ADAMTS17: variants seen among roughly 807,000 people sequenced by gnomAD.
ADAMTS17 encodes the protein A disintegrin and metalloproteinase with thrombospondin motifs 17.
In ADAMTS17, 113 loss-of-function variants were observed where a neutral mutation model predicts 141.5. The ratio of observed to expected loss-of-function variants is 0.80; its 90% CI spans 0.69 to 0.93. The LOEUF (loss-of-function observed/expected upper bound fraction) is 0.93. Among genes scored for constraint, ADAMTS17 ranks in the 40% least tolerant of loss-of-function variants. The pLI, the probability that ADAMTS17 is intolerant of heterozygous loss-of-function variation, is 0.00. For missense variants in ADAMTS17, 1,659 were observed against 1,517.9 expected (o/e 1.09, Z -1.54); for synonymous variants, 768 against 630.6 (o/e 1.22, Z -3.27).
In ADAMTS17 at chr15:100,051,128, G is replaced by A. The variant is rs79296349; in HGVS notation, c.2455+444C>T. ...GACTCATGCTCAGAACGTTTCACCC[G>A]ACTTGCAGGACTTTTTCTTTCCATT... On this transcript the variant is annotated intron_variant, in intron 17 of 21. Transcript: ENST00000268070. Among the ~76,000 whole-genome samples the A allele has an allele frequency of 2.5e-3, 387 of 152,302 alleles. 9 individuals carry two copies. In the East Asian group the frequency reaches 0.058, roughly 23 times the overall value.
chr15:99,989,960 A>G lies in ADAMTS17; in HGVS notation c.2949+3088T>C, dbSNP rs1567648324. 2.0e-5 allele frequency among the ~76,000 whole-genome samples: 3 copies of G among 152,356 alleles called. No homozygotes were observed. The East Asian group carries it at 5.8e-4, about 29-fold the overall frequency. ...TTTATGATTCCCATTTCAGAGATAA[A>G]GAGAGGTTAAGGCACACAAGTAGAG... On this transcript the variant is annotated intron_variant, in intron 20 of 21. Coordinates refer to ENST00000268070, the MANE Select transcript of ADAMTS17 (RefSeq NM_139057.4).
intron 8 of ADAMTS17, among the ~76,000 whole-genome samples, chr15:100,190,950 A>T (rs183032946): frequency 6.6e-6 from 1 of 152,286 alleles, no homozygotes; most frequent in African/African-American, 2.4e-5. Context: ...TGGGCCACAT[A>T]GCGCCGTGGG....
At chr15:100,289,278 C>CA (rs1161153029) in intron 3 of ADAMTS17, among the ~76,000 whole-genome samples, 1 of 152,060 alleles carries the variant, frequency 6.6e-6, no homozygotes, top group African/African-American at 2.4e-5. Flanking sequence ...TCCATTCTCC[C>CA]AAAATTGAAT....
intron 18 of ADAMTS17, among the ~76,000 whole-genome samples, chr15:100,044,686 T>C (rs997128102): frequency 6.6e-6 from 1 of 152,232 alleles, no homozygotes; most frequent in Non-Finnish European, 1.5e-5. Flanking sequence ...CTTTTGAGTA[T>C]GGATCTGTTT....
rs987382326 is a variant in ADAMTS17 at position 99,973,979 on chromosome 15, C to T, written c.*423G>A. The stretch of plus-strand genomic sequence containing the variant: ...ACACCTGCCCCTCCCTCCATGGTGT[C>T]GCCGGCTTTCAGAATAAAGCCTTTT... On this transcript the variant is annotated 3_prime_UTR_variant, in exon 22 of 22. Transcript: ENST00000268070. 2.7e-5 allele frequency: 5 copies of T among 184,208 alleles called. 1 individual carries two copies. The highest frequency in any genetic ancestry group is 8.8e-5 in the Admixed American group (1 of 11,424). 11.4% of individuals were successfully genotyped at this position (184,208 alleles called of 1,614,324 possible).
At position 100,341,832 on chromosome 15, in the gene ADAMTS17, T is replaced by G; in HGVS notation, c.68A>C (p.Asp23Ala). ...PVLLLLVWGL[D>A]PGTAVGDAAA... ...GGAGGGGGCGCTACCTGTGCCCGGG[T>G]CCAGTCCCCAAACCAGCAGCAGCAG... Residue 23 changes from aspartate to alanine, a missense_variant, in exon 1 of 22, where the codon GAC becomes GCC. By Grantham distance (126) the Asp-to-Ala change is moderately radical. Coordinates refer to ENST00000268070, the MANE Select transcript of ADAMTS17 (RefSeq NM_139057.4). The G allele has an allele frequency of 2.6e-6, 4 of 1,551,532 alleles. 1 individual carries two copies. The South Asian group carries it at 4.8e-5, about 18-fold the overall frequency.
chr15:100,296,123 G>A (rs367882645), intron 3 of ADAMTS17, among the ~76,000 whole-genome samples: 3 of 152,204 alleles, frequency 2.0e-5, no homozygotes, highest in South Asian at 2.1e-4. Flanking sequence ...TGTGGGAAAC[G>A]TACTCGAGAA....
intron 10 of ADAMTS17, among the ~76,000 whole-genome samples, chr15:100,151,217 C>G (rs973174657): frequency 6.6e-6 from 1 of 152,260 alleles, no homozygotes; most frequent in South Asian, 2.1e-4. Context: ...GGCGTGCTCC[C>G]CAGGGGAATG....
intron 7 of ADAMTS17, 79 bp from the exon 8 acceptor site, chr15:100,199,502 G>A (rs979941794): frequency 1.5e-5 from 18 of 1,177,342 alleles, no homozygotes; most frequent in East Asian, 2.3e-5. Context: ...CACGGTCAAC[G>A]TCATGCACAA....
Position 100,281,306 on chromosome 15 carries a change from C to A in ADAMTS17, c.712G>T (p.Val238Leu), listed in dbSNP as rs2142079523. Reference sequence around the variant, plus strand: ...TGCACCATGTCGGCGTCGGCCACCACCAGGGTCTCCACCGTGTGCTCGCTG... The same window carrying A: ...TGCACCATGTCGGCGTCGGCCACCAACAGGGTCTCCACCGTGTGCTCGCTG... ...LTSEHTVETL[V>L]VADADMVQYH... The change falls in exon 4 of 22, where the codon GTG (valine) becomes TTG (leucine). Residue 238 changes from valine to leucine, a missense_variant. Coordinates refer to ENST00000268070, the MANE Select transcript of ADAMTS17 (RefSeq NM_139057.4). The A allele has an allele frequency of 6.2e-7, 1 of 1,609,906 alleles. No individual in the cohort carries two copies. Among genetic ancestry groups the A allele is most frequent in the Non-Finnish European group, 8.5e-7 (1 of 1,180,006 alleles).
intron 3 of ADAMTS17, among the ~76,000 whole-genome samples, chr15:100,289,852 T>C (rs1415752941): frequency 2.6e-5 from 4 of 152,140 alleles, no homozygotes; most frequent in Non-Finnish European, 5.9e-5. Context: ...AACTACATAT[T>C]GAAGGAGCAT....
intron 10 of ADAMTS17, among the ~76,000 whole-genome samples, chr15:100,134,242 A>G (rs1214062959): frequency 6.6e-6 from 1 of 152,196 alleles, no homozygotes; most frequent in East Asian, 1.9e-4. Flanking sequence ...CCCGCTGCCG[A>G]CAGCAGTCAC....
At chr15:100,184,649 G>A (rs2040641775) in intron 8 of ADAMTS17, among the ~76,000 whole-genome samples, 1 of 152,160 alleles carries the variant, frequency 6.6e-6, no homozygotes, top group East Asian at 1.9e-4. Flanking sequence ...GAGATCCAGA[G>A]GCCCAGCGTA....
chr15:100,188,378 C>T (rs1395818210), intron 8 of ADAMTS17, among the ~76,000 whole-genome samples: 5 of 150,788 alleles, frequency 3.3e-5, no homozygotes, highest in East Asian at 1.9e-4. Context: ...CGCCCGGCCA[C>T]GAAGCCCTGT....
chr15:100,325,145 G>C (rs2045859887), intron 3 of ADAMTS17, among the ~76,000 whole-genome samples: 1 of 152,132 alleles, frequency 6.6e-6, no homozygotes, highest in African/African-American at 2.4e-5. Flanking sequence ...AGCACCCCTG[G>C]TTCTCAGTGT....
chr15:100,282,677 T>C (rs1210314363), intron 3 of ADAMTS17, among the ~76,000 whole-genome samples: 2 of 152,196 alleles, frequency 1.3e-5, no homozygotes, highest in African/African-American at 4.8e-5. Flanking sequence ...AACCACTGTA[T>C]TATGAAATAA....
At chr15:100,084,710 G>A (rs1024765132) in intron 15 of ADAMTS17, among the ~76,000 whole-genome samples, 22 of 152,286 alleles carry the variant, frequency 1.4e-4, no homozygotes, top group African/African-American at 5.1e-4. Context: ...TGCAGCCACT[G>A]CTCCTGATAC....
At chr15:100,258,371 C>G (rs2043398212) in intron 6 of ADAMTS17, among the ~76,000 whole-genome samples, 1 of 152,196 alleles carries the variant, frequency 6.6e-6, no homozygotes, top group Admixed American at 6.5e-5. Context: ...CCACAGTCTT[C>G]CAACACTTGT....
intron 6 of ADAMTS17, among the ~76,000 whole-genome samples, chr15:100,259,418 C>G (rs1009571492): frequency 3.3e-5 from 5 of 152,198 alleles, no homozygotes; most frequent in African/African-American, 1.2e-4. Context: ...TGAGCAACAG[C>G]GGCCTCTGGC....
Sources: allele counts gnomAD v4.1 joint callset (sites outside exome capture counted in the v4.1 genomes callset), GRCh38; gene constraint gnomAD v4.1.1; transcripts MANE v1.5; gene names NCBI Gene and HGNC (gene_info 2026-07-23, HGNC 2026-07-21).